Variants in CCDC192 observed in about 807,000 individuals in gnomAD.
CCDC192 encodes the protein coiled-coil domain-containing protein 192.
At chr5:127,941,104 T>A in intron 6 of CCDC192, 78 bp from the exon 7 acceptor site, 1 of 398,530 alleles carries the variant, frequency 2.5e-6, no homozygotes, top group Non-Finnish European at 4.4e-6. Context: ...GAAATGAAGC[T>A]TTTTCATTTT....
intron 2 of CCDC192, among the ~76,000 whole-genome samples, chr5:127,714,258 T>C (rs1751496049): frequency 1.3e-5 from 2 of 152,256 alleles, no homozygotes; most frequent in Non-Finnish European, 2.9e-5. Context: ...GACACTTAGT[T>C]GGAGTTCATA....
chr5:127,850,787 G>A (rs1750761016), intron 5 of CCDC192, among the ~76,000 whole-genome samples: 1 of 152,138 alleles, frequency 6.6e-6, no homozygotes, highest in Non-Finnish European at 1.5e-5. Context: ...CCAACATGGT[G>A]AAACCCTATA....
At chr5:127,868,779 C>T (rs1185381130) in intron 5 of CCDC192, among the ~76,000 whole-genome samples, 4 of 150,666 alleles carry the variant, frequency 2.7e-5, no homozygotes, top group African/African-American at 4.9e-5. Context: ...CAGAGTGAGA[C>T]TCTGTCAAAA....
upstream of CCDC192, among the ~76,000 whole-genome samples, chr5:127,703,101 G>A (rs1255124883): frequency 6.6e-6 from 1 of 152,206 alleles, no homozygotes; most frequent in East Asian, 1.9e-4. Flanking sequence ...AGACAGCAGT[G>A]TGGCTGTTTC....
intron 3 of CCDC192, among the ~76,000 whole-genome samples, chr5:127,792,778 A>G (rs13186253): frequency 1.4e-5 from 2 of 147,598 alleles, no homozygotes; most frequent in South Asian, 2.2e-4. Flanking sequence ...GGAGGAGGAG[A>G]AGAGGAAGAA....
At chr5:127,839,960 ATT>A (rs1377090204) in intron 5 of CCDC192, among the ~76,000 whole-genome samples, 1 of 152,238 alleles carries the variant, frequency 6.6e-6, no homozygotes, top group Non-Finnish European at 1.5e-5. Flanking sequence ...TTTCATGAGA[ATT>A]AAATAAAACA....
intron 6 of CCDC192, among the ~76,000 whole-genome samples, chr5:127,910,431 C>T (rs958527295): frequency 6.6e-6 from 1 of 152,138 alleles, no homozygotes; most frequent in Non-Finnish European, 1.5e-5. Flanking sequence ...TTTCTCAGAT[C>T]TGTGGGTTAG....
chr5:127,905,870 A>T (rs1298833553), intron 6 of CCDC192, among the ~76,000 whole-genome samples: 1 of 152,238 alleles, frequency 6.6e-6, no homozygotes, highest in East Asian at 1.9e-4. Context: ...GCAGAAATTA[A>T]CTAATTTATG....
At chr5:127,910,878 A>T (rs1753326688) in intron 6 of CCDC192, among the ~76,000 whole-genome samples, 1 of 152,170 alleles carries the variant, frequency 6.6e-6, no homozygotes, top group South Asian at 2.1e-4. Context: ...TGGGAGCCTA[A>T]TTTAGCTGGA....
chr5:127,752,986 G>A (rs982100055), intron 2 of CCDC192, among the ~76,000 whole-genome samples: 5 of 152,152 alleles, frequency 3.3e-5, no homozygotes, highest in Admixed American at 6.5e-5. Context: ...GTCGGTGTGC[G>A]CACCCACTGA....
intron 2 of CCDC192, among the ~76,000 whole-genome samples, chr5:127,749,221 C>A (rs996971638): frequency 4.6e-5 from 7 of 152,116 alleles, no homozygotes; most frequent in African/African-American, 1.7e-4. Context: ...CCAGTTTTTG[C>A]CCATTCAGTA....
At chr5:127,916,053 G>C (rs914106374) in intron 6 of CCDC192, among the ~76,000 whole-genome samples, 1 of 152,200 alleles carries the variant, frequency 6.6e-6, no homozygotes, top group Admixed American at 6.5e-5. Flanking sequence ...GGTCCTCTCA[G>C]AACCTGCCAC....
intron 3 of CCDC192, among the ~76,000 whole-genome samples, chr5:127,758,821 T>C (rs908819134): frequency 3.9e-5 from 6 of 152,150 alleles, no homozygotes; most frequent in Non-Finnish European, 8.8e-5. Flanking sequence ...CCAGTGAATA[T>C]AAGAGGACAA....
chr5:127,818,097 T>C (rs2127013846), intron 5 of CCDC192, among the ~76,000 whole-genome samples: 1 of 152,326 alleles, frequency 6.6e-6, no homozygotes, highest in East Asian at 1.9e-4. Context: ...ATCACTGCTC[T>C]AAAATCAATG....
chr5:127,811,879 A>G (rs1758103590), intron 5 of CCDC192, among the ~76,000 whole-genome samples: 1 of 152,178 alleles, frequency 6.6e-6, no homozygotes, highest in African/African-American at 2.4e-5. Context: ...CACACCCTCC[A>G]TACACACTGC....
At chr5:127,854,831 G>A (rs908326982) in intron 5 of CCDC192, among the ~76,000 whole-genome samples, 1 of 152,042 alleles carries the variant, frequency 6.6e-6, no homozygotes, top group Non-Finnish European at 1.5e-5. Flanking sequence ...TTTATTAAGT[G>A]TACAAAAGCT....
chr5:127,859,966 A>G lies in CCDC192; in HGVS notation c.412-15572A>G, dbSNP rs17164597. ...CTTACCTAGACAATGCTATTTATCA[A>G]CCTCCAGTTTTGTGCGTACTGGAAT... is the stretch of plus-strand genomic sequence containing the variant. On this transcript the variant is annotated intron_variant, in intron 5 of 6. Transcript: ENST00000514853. Among the ~76,000 whole-genome samples the G allele has an allele frequency of 8.3e-3, 1,258 of 152,068 alleles. 76 individuals are homozygous for G. In the East Asian group the frequency reaches 0.17, roughly 21 times the overall value.
intron 5 of CCDC192, among the ~76,000 whole-genome samples, chr5:127,814,327 A>G (rs1286156240): frequency 6.6e-6 from 1 of 152,246 alleles, no homozygotes; most frequent in African/African-American, 2.4e-5. Flanking sequence ...ATTAAAAACA[A>G]GTTATGTCCA....
At chr5:127,930,579 G>C (rs534952805) in intron 6 of CCDC192, among the ~76,000 whole-genome samples, 1 of 152,336 alleles carries the variant, frequency 6.6e-6, no homozygotes, top group East Asian at 1.9e-4. Context: ...CTTCTGCTCA[G>C]ATTGACTTCC....
Sources: allele counts gnomAD v4.1 joint callset (sites outside exome capture counted in the v4.1 genomes callset), GRCh38; gene constraint gnomAD v4.1.1; transcripts MANE v1.5; gene names NCBI Gene and HGNC (gene_info 2026-07-23, HGNC 2026-07-21).